The following SLC22A15 variants were observed in gnomAD, a reference collection of about 807,000 sequenced individuals.
SLC22A15 encodes solute carrier family 22 member 15.
SLC22A15 carries 45 observed loss-of-function variants against 62.7 expected under a neutral mutation model. That is an observed-to-expected ratio of 0.72 (90% CI 0.56 to 0.92). The LOEUF (loss-of-function observed/expected upper bound fraction) is 0.92, where lower values mean the gene tolerates loss of function less well. SLC22A15 is among the 40% of genes least tolerant of loss of function. The probability of loss-of-function intolerance (pLI) is 0.00; values close to 1 mark genes in which losing one functional copy is unlikely to be tolerated. For synonymous variants in SLC22A15, 264 were observed against 267.0 expected (o/e 0.99, Z 0.11); for missense variants, 622 against 665.6 (o/e 0.93, Z 0.72).
At chr1:116,004,328 G>C (rs1655873228) in intron 2 of SLC22A15, among the ~76,000 whole-genome samples, 1 of 152,136 alleles carries the variant, frequency 6.6e-6, no homozygotes, top group Non-Finnish European at 1.5e-5. Context: ...GTTCCTGTGG[G>C]GAGGATGACT....
intron 2 of SLC22A15, among the ~76,000 whole-genome samples, chr1:116,018,977 G>A (rs573863405): frequency 4.3e-4 from 66 of 152,252 alleles, no homozygotes; most frequent in Non-Finnish European, 9.1e-4. Flanking sequence ...TTCATCCATC[G>A]ATAGACACAG....
intron 6 of SLC22A15, chr1:116,032,168 G>A (rs181526018): frequency 1.0e-6 from 1 of 985,258 alleles, no homozygotes; most frequent in Non-Finnish European, 1.2e-6. Flanking sequence ...TTCTGAACCT[G>A]ATTTTTCTGG....
intron 7 of SLC22A15, among the ~76,000 whole-genome samples, chr1:116,035,779 T>C (rs1657612486): frequency 6.6e-6 from 1 of 152,184 alleles, no homozygotes; most frequent in South Asian, 2.1e-4. Flanking sequence ...TCTTACTTTG[T>C]TGAGGAGGCA....
chr1:116,057,674 T>C (rs1285798506), intron 8 of SLC22A15, among the ~76,000 whole-genome samples: 3 of 152,078 alleles, frequency 2.0e-5, no homozygotes. Context: ...CCAACAACGA[T>C]AGAGTGGATT....
Position 116,045,666 on chromosome 1 carries a change from G to A in SLC22A15, c.1171+8278G>A, listed in dbSNP as rs557734860. Among the ~76,000 whole-genome samples, 10 of 151,334 alleles carry A rather than the reference G, an allele frequency of 6.6e-5. No homozygotes were observed. In the East Asian group the frequency reaches 1.2e-3, roughly 18 times the overall value. On this transcript the variant is annotated intron_variant, in intron 8 of 11. Coordinates refer to ENST00000369503, the MANE Select transcript of SLC22A15 (RefSeq NM_018420.3). ...AGGCAGGAGAATTGCTTGAACCCGG[G>A]GGGTAGAGGTTGCAGTGAGCCAAGA...
chr1:116,023,488 TG>T (rs1459349945), intron 4 of SLC22A15, among the ~76,000 whole-genome samples: 7 of 152,218 alleles, frequency 4.6e-5, no homozygotes, highest in Admixed American at 2.6e-4. Flanking sequence ...GTTAACATAT[TG>T]CTATGTATGC....
At chr1:116,028,460 T>G (rs1310150342) in intron 5 of SLC22A15, among the ~76,000 whole-genome samples, 3 of 151,572 alleles carry the variant, frequency 2.0e-5, no homozygotes, top group Non-Finnish European at 4.4e-5. Context: ...CTTATCTGGC[T>G]TTCATCTCCC....
At chr1:116,031,968 G>T (rs1423242542) in intron 6 of SLC22A15, 1 of 1,062,530 alleles carries the variant, frequency 9.4e-7, no homozygotes, top group African/African-American at 1.7e-5. Flanking sequence ...CTTACCTTTG[G>T]CACTGGCATC....
At chr1:116,055,767 A>G (rs1658188033) in intron 8 of SLC22A15, among the ~76,000 whole-genome samples, 1 of 146,176 alleles carries the variant, frequency 6.8e-6, no homozygotes, top group Non-Finnish European at 1.5e-5. Context: ...AAATCAATAA[A>G]TGTAATCCAG....
intron 8 of SLC22A15, among the ~76,000 whole-genome samples, chr1:116,047,249 A>G (rs1323334962): frequency 1.3e-5 from 2 of 152,106 alleles, no homozygotes; most frequent in Non-Finnish European, 2.9e-5. Flanking sequence ...CAAGATGGTG[A>G]AACACCGTCT....
At position 116,020,575 on chromosome 1, in the gene SLC22A15, A is replaced by G. The variant is rs1656775431; in HGVS notation, c.434-146A>G. 3 of 682,922 alleles carry G rather than the reference A, an allele frequency of 4.4e-6. No homozygotes were observed. In the East Asian group the frequency reaches 1.1e-4, roughly 24 times the overall value. 42.3% of individuals were successfully genotyped at this position (682,922 alleles called of 1,614,324 possible). A position where few individuals can be genotyped will look rare whatever the true frequency, so the allele number is the denominator to read the frequency against. On this transcript the variant is annotated intron_variant, in intron 3 of 11. Transcript: ENST00000369503. ...CATCTCAAAAAAAAAACAAAAAAAC[A>G]AAAAAAAACAAAAAGAAACCCACAA... is the stretch of plus-strand genomic sequence containing the variant.
chr1:116,045,428 T>C (rs1657907064), intron 8 of SLC22A15, among the ~76,000 whole-genome samples: 2 of 151,988 alleles, frequency 1.3e-5, no homozygotes, highest in South Asian at 4.2e-4. Context: ...TTGAAGAACT[T>C]AACTTACCTG....
intron 2 of SLC22A15, among the ~76,000 whole-genome samples, chr1:116,016,076 C>T (rs1656507093): frequency 6.6e-6 from 1 of 151,906 alleles, no homozygotes; most frequent in Non-Finnish European, 1.5e-5. Context: ...CTTTCTCTTT[C>T]TTTTTCTTTT....
rs192032838 is a variant in SLC22A15, at chr1:116,052,612, T to C, written c.1172-10150T>C. On this transcript the variant is annotated intron_variant, in intron 8 of 11. Coordinates refer to ENST00000369503, the MANE Select transcript of SLC22A15 (RefSeq NM_018420.3). ...CAGGCAGACTGCCTCTTCAAGTGGGTCCCTGACCCCTGACCCCCGAGCAGC... is the reference window on the plus strand; with the variant it reads ...CAGGCAGACTGCCTCTTCAAGTGGGCCCCTGACCCCTGACCCCCGAGCAGC... 2.5e-3 allele frequency among the ~76,000 whole-genome samples: 385 copies of C among 152,284 alleles called. 2 individuals carry two copies. Among genetic ancestry groups the C allele is most frequent in the Non-Finnish European group, 4.0e-3 (271 of 68,030 alleles).
intron 1 of SLC22A15, 125 bp downstream of exon 1, chr1:115,976,839 G>C: frequency 5.6e-6 from 4 of 714,076 alleles, no homozygotes; most frequent in Non-Finnish European, 6.6e-6. Context: ...CCGAGGTGTG[G>C]CGAGCGTCGG....
intron 8 of SLC22A15, among the ~76,000 whole-genome samples, chr1:116,049,504 G>A (rs1302976085): frequency 6.6e-6 from 1 of 152,086 alleles, no homozygotes; most frequent in African/African-American, 2.4e-5. Context: ...ATGAGCATCA[G>A]GTCAAAAACA....
At chr1:115,983,802 C>G (rs532104071) in intron 1 of SLC22A15, among the ~76,000 whole-genome samples, 4 of 152,150 alleles carry the variant, frequency 2.6e-5, no homozygotes, top group African/African-American at 9.7e-5. Context: ...GACTGTGCCA[C>G]GCCAATGAGG....
chr1:116,025,720 T>A (rs1657054654), intron 4 of SLC22A15, among the ~76,000 whole-genome samples: 1 of 152,208 alleles, frequency 6.6e-6, no homozygotes, highest in Non-Finnish European at 1.5e-5. Flanking sequence ...ATTTAACCGC[T>A]CTGAGCTATT....
intron 2 of SLC22A15, chr1:116,014,170 C>G (rs1317023739): frequency 6.6e-6 from 1 of 152,242 alleles, no homozygotes; most frequent in Non-Finnish European, 1.5e-5. Context: ...TCTCAACCCC[C>G]TTCACTTCTG....
Sources: allele counts gnomAD v4.1 joint callset (sites outside exome capture counted in the v4.1 genomes callset), GRCh38; gene constraint gnomAD v4.1.1; transcripts MANE v1.5; gene names NCBI Gene and HGNC (gene_info 2026-07-23, HGNC 2026-07-21).